ADGRV1: variants seen among roughly 807,000 people sequenced by gnomAD.
ADGRV1 encodes the protein adhesion G protein-coupled receptor V1.
Under a neutral mutation model 596.2 loss-of-function variants are expected in ADGRV1, and 359 were observed. The observed-to-expected ratio is 0.60, with a 90% CI of 0.55 to 0.66. The LOEUF is 0.66. ADGRV1 is among the 30% of genes least tolerant of loss of function. The probability of loss-of-function intolerance (pLI) is 0.00; values close to 1 mark genes in which losing one functional copy is unlikely to be tolerated. For missense variants in ADGRV1, 7,274 were observed against 7,575.6 expected, an observed-to-expected ratio of 0.96 and a Z score of 1.48; for synonymous variants, 2,681 against 2,679.2, an observed-to-expected ratio of 1.00 and a Z score of -0.02.
chr5:91,089,281 G>C (rs16869425), intron 86 of ADGRV1, among the ~76,000 whole-genome samples: 20,267 of 151,970 alleles, frequency 0.13, 1,494 homozygotes, highest in African/African-American at 0.21. Context: ...TACAGCTGTT[G>C]GGAAATACCA....
intron 25 of ADGRV1, among the ~76,000 whole-genome samples, chr5:90,677,661 C>T (rs1370486637): frequency 6.6e-6 from 1 of 152,092 alleles, no homozygotes; most frequent in Non-Finnish European, 1.5e-5. Flanking sequence ...CTTATAGTGA[C>T]ACTTGTTATA....
Position 90,629,534 on chromosome 5 carries a change from G to C in ADGRV1, c.1834G>C (p.Val612Leu). The change falls in exon 9 of 90, where the codon GTA becomes CTA. Residue 612 changes from valine to leucine, a missense_variant. This residue lies in a region of ADGRV1 where 1,715 missense variants were observed against 1,708.8 expected (regional missense o/e 1.00). Transcript: ENST00000405460. ...AFLQNGAHFL[V>L]QLETVELLNI... ...CCTTCAAAATGGAGCTCACTTTCTA[G>C]TACAGGTACTTGTATGATTAAAATA... 10 of 1,602,064 alleles carry C rather than the reference G, an allele frequency of 6.2e-6. No homozygotes were observed. The highest frequency in any genetic ancestry group is 8.5e-6 in the Non-Finnish European group (10 of 1,172,504).
chr5:90,607,123 C>T (rs982337532), intron 1 of ADGRV1, among the ~76,000 whole-genome samples: 5 of 151,986 alleles, frequency 3.3e-5, no homozygotes, highest in Non-Finnish European at 7.4e-5. Flanking sequence ...AAAAGGAAGG[C>T]GAGAGGAAAC....
At chr5:91,078,390 C>T (rs1026743016) in intron 86 of ADGRV1, among the ~76,000 whole-genome samples, 25 of 152,240 alleles carry the variant, frequency 1.6e-4, no homozygotes, top group African/African-American at 5.5e-4. Context: ...AACTGTGTTT[C>T]AGTCTCCAAA....
intron 70 of ADGRV1, among the ~76,000 whole-genome samples, chr5:90,798,908 G>A (rs1009299105): frequency 2.0e-5 from 3 of 152,072 alleles, no homozygotes; most frequent in African/African-American, 7.2e-5. Context: ...AATAAACTAG[G>A]TATTGATGGA....
chr5:90,815,610 T>G lies in ADGRV1; in HGVS notation c.16079-9T>G. The G allele has an allele frequency of 6.8e-7, 1 of 1,470,312 alleles. No individual in the cohort carries two copies. Among genetic ancestry groups the G allele is most frequent in the Non-Finnish European group, 9.3e-7 (1 of 1,070,154 alleles). The allele number at this position is 1,470,312 out of a possible 1,614,324, so 91.1% of individuals were successfully genotyped here. On this transcript the variant is annotated splice_polypyrimidine_tract_variant and intron_variant, in intron 74 of 89. Transcript: ENST00000405460. ...TGAATATATTATAGCCCTCCATTCT[T>G]TTTTTCAGGGAGTGACCTTCACAAT... is the stretch of plus-strand genomic sequence containing the variant.
At chr5:90,616,376 A>G (rs937274025) in intron 2 of ADGRV1, among the ~76,000 whole-genome samples, 1 of 152,138 alleles carries the variant, frequency 6.6e-6, no homozygotes, top group African/African-American at 2.4e-5. Flanking sequence ...GATCCTAAAA[A>G]GTTAAGGAAA....
At chr5:90,788,029 G>C in intron 67 of ADGRV1, 42 bp from the exon 68 acceptor site, 1 of 1,432,102 alleles carries the variant, frequency 7.0e-7, no homozygotes, top group Non-Finnish European at 9.2e-7. Flanking sequence ...GCTTAAAATT[G>C]ATCTCTATTA....
At chr5:90,965,345 CA>C (rs1778356176) in intron 83 of ADGRV1, 69 bp from the exon 84 acceptor site, 1 of 940,196 alleles carries the variant, frequency 1.1e-6, no homozygotes, top group Non-Finnish European at 1.7e-6. Flanking sequence ...GATAAGAAAG[CA>C]GTTTACTTTC....
chr5:90,872,667 T>C (rs1768809797), intron 83 of ADGRV1, among the ~76,000 whole-genome samples: 1 of 152,154 alleles, frequency 6.6e-6, no homozygotes, highest in Non-Finnish European at 1.5e-5. Context: ...TGCCTCTGCA[T>C]TGTGTGTAAG....
At chr5:90,769,967 T>A (rs1384808623) in intron 59 of ADGRV1, among the ~76,000 whole-genome samples, 1 of 152,100 alleles carries the variant, frequency 6.6e-6, no homozygotes, top group African/African-American at 2.4e-5. Flanking sequence ...AGCTCTGAGG[T>A]AGGTGGCAGC....
intron 83 of ADGRV1, among the ~76,000 whole-genome samples, chr5:90,913,784 G>A (rs1012517683): frequency 2.0e-5 from 3 of 152,006 alleles, no homozygotes; most frequent in Non-Finnish European, 2.9e-5. Context: ...GTGTTTACAG[G>A]GAAAACCAAG....
intron 86 of ADGRV1, among the ~76,000 whole-genome samples, chr5:91,095,329 A>G (rs1359346831): frequency 6.6e-6 from 1 of 152,162 alleles, no homozygotes; most frequent in East Asian, 1.9e-4. Flanking sequence ...CCTCCTGAGT[A>G]GCTGAGACTA....
intron 85 of ADGRV1, among the ~76,000 whole-genome samples, chr5:90,995,615 G>T (rs1252136576): frequency 1.3e-5 from 2 of 152,324 alleles, no homozygotes; most frequent in South Asian, 2.1e-4. Flanking sequence ...TGAAAAGGTG[G>T]AAGCAACTTT....
chr5:90,578,534 T>C (rs1757536887), intron 1 of ADGRV1, among the ~76,000 whole-genome samples: 2 of 148,148 alleles, frequency 1.3e-5, no homozygotes, highest in Non-Finnish European at 2.9e-5. Context: ...CTGAGGATTT[T>C]TGCATCGATG....
At chr5:90,959,965 C>G (rs980127235) in intron 83 of ADGRV1, among the ~76,000 whole-genome samples, 5 of 151,838 alleles carry the variant, frequency 3.3e-5, no homozygotes, top group South Asian at 4.2e-4. Context: ...CGGTGAAACC[C>G]CGTCTCTACT....
At chr5:90,570,255 T>A (rs954387804) in intron 1 of ADGRV1, among the ~76,000 whole-genome samples, 1 of 152,178 alleles carries the variant, frequency 6.6e-6, no homozygotes, top group Non-Finnish European at 1.5e-5. Flanking sequence ...TTTGAATACA[T>A]CACTGCCTTC....
intron 83 of ADGRV1, among the ~76,000 whole-genome samples, chr5:90,928,512 T>A (rs542880367): frequency 1.3e-5 from 2 of 150,272 alleles, no homozygotes; most frequent in African/African-American, 5.0e-5. Context: ...CCTGTATTGC[T>A]TATTCTAGTT....
intron 87 of ADGRV1, 121 bp downstream of exon 87, chr5:91,102,461 C>T (rs1243996486): frequency 1.6e-5 from 12 of 727,738 alleles, no homozygotes; most frequent in Non-Finnish European, 2.0e-5. Context: ...ATAATAACAT[C>T]ATATAGAGTT....
Sources: allele counts gnomAD v4.1 joint callset (sites outside exome capture counted in the v4.1 genomes callset), GRCh38; gene constraint gnomAD v4.1.1; regional missense constraint gnomAD v4.1.1; transcripts MANE v1.5; gene names NCBI Gene and HGNC (gene_info 2026-07-23, HGNC 2026-07-21).